GRM1: variants seen among roughly 807,000 people sequenced by gnomAD.
The protein encoded by GRM1 is metabotropic glutamate receptor 1.
A neutral mutation model predicts 90.9 loss-of-function variants in GRM1; 33 were observed. The ratio of observed to expected loss-of-function variants is 0.36; its 90% CI spans 0.28 to 0.49. The LOEUF is 0.49. Among genes scored for constraint, GRM1 ranks in the 20% least tolerant of loss-of-function variants. The pLI, the probability that GRM1 is intolerant of heterozygous loss-of-function variation, is 0.99. For synonymous variants in GRM1, 700 were observed against 613.2 expected, an observed-to-expected ratio of 1.14 and a Z score of -2.09; for missense variants, 1,190 against 1,534.3, an observed-to-expected ratio of 0.78 and a Z score of 3.75.
intron 1 of GRM1, among the ~76,000 whole-genome samples, chr6:146,096,083 G>A (rs1004940599): frequency 6.6e-6 from 1 of 152,086 alleles, no homozygotes; most frequent in Non-Finnish European, 1.5e-5. Context: ...TCAGTCTCAA[G>A]CCTAGAACTA....
At chr6:146,245,853 A>C (rs910461065) in intron 2 of GRM1, among the ~76,000 whole-genome samples, 1 of 152,204 alleles carries the variant, frequency 6.6e-6, no homozygotes, top group Non-Finnish European at 1.5e-5. Context: ...AGTGTCTTTC[A>C]AAGGATGTGA....
intron 2 of GRM1, among the ~76,000 whole-genome samples, chr6:146,301,748 A>G (rs1015794681): frequency 2.2e-4 from 33 of 152,138 alleles, no homozygotes; most frequent in Admixed American, 2.2e-3. Flanking sequence ...AAATCTTCAA[A>G]TTGCTCTAGA....
At chr6:146,091,306 C>T (rs1335694172) in intron 1 of GRM1, among the ~76,000 whole-genome samples, 3 of 152,094 alleles carry the variant, frequency 2.0e-5, no homozygotes. Flanking sequence ...TCCCTCTCCA[C>T]TATGGGAAAG....
At chr6:146,205,521 G>T (rs1024258553) in intron 2 of GRM1, among the ~76,000 whole-genome samples, 7 of 152,134 alleles carry the variant, frequency 4.6e-5, no homozygotes, top group African/African-American at 1.7e-4. Context: ...TCAGGATCCT[G>T]GTGAATTATT....
intron 2 of GRM1, among the ~76,000 whole-genome samples, chr6:146,258,560 C>A (rs942430645): frequency 1.3e-4 from 20 of 151,952 alleles, no homozygotes; most frequent in Admixed American, 1.0e-3. Flanking sequence ...TGCTCTGTTG[C>A]CCAGGCTGTA....
At position 146,029,789 on chromosome 6, in the gene GRM1, C is replaced by A. The variant is rs762000484; in HGVS notation, c.272C>A (p.Ala91Glu). The change falls in exon 1 of 8, where the codon GCG becomes GAG. Residue 91 changes from alanine to glutamate, a missense_variant. Around this residue, in one of 10 missense-constraint regions of GRM1, gnomAD observed 91 missense variants for 95.6 expected, o/e 0.95. Coordinates refer to ENST00000282753, the MANE Select transcript of GRM1 (RefSeq NM_001278064.2). ...TTCCACACGTTGGATAAGATCAACG[C>A]GGACCCGGTCCTCCTGCCCAACATC... is the stretch of plus-strand genomic sequence containing the variant. Reference protein sequence around the residue: ...AMFHTLDKINADPVLLPNITL... With the variant: ...AMFHTLDKINEDPVLLPNITL... 6.2e-7 allele frequency: 1 copy of A among 1,614,078 alleles called. No homozygotes were observed.
intron 2 of GRM1, among the ~76,000 whole-genome samples, chr6:146,260,473 T>C (rs1408420812): frequency 2.0e-5 from 3 of 152,290 alleles, no homozygotes; most frequent in African/African-American, 7.2e-5. Context: ...CATGTGCATG[T>C]GTTTTATAGT....
At chr6:146,148,872 C>T (rs1471296379) in intron 1 of GRM1, among the ~76,000 whole-genome samples, 1 of 152,034 alleles carries the variant, frequency 6.6e-6, no homozygotes, top group Non-Finnish European at 1.5e-5. Context: ...TATATACAAC[C>T]TTCCTGTTTT....
At chr6:146,042,374 A>G (rs558021281) in intron 1 of GRM1, among the ~76,000 whole-genome samples, 8 of 152,144 alleles carry the variant, frequency 5.3e-5, no homozygotes, top group African/African-American at 1.7e-4. Context: ...ATGTACTTCT[A>G]AGTAAAATAA....
At chr6:146,277,286 G>C (rs1301802949) in intron 2 of GRM1, among the ~76,000 whole-genome samples, 1 of 152,184 alleles carries the variant, frequency 6.6e-6, no homozygotes, top group Non-Finnish European at 1.5e-5. Context: ...AGAAAGGCCT[G>C]TCTGCCTTTG....
intron 7 of GRM1, among the ~76,000 whole-genome samples, chr6:146,407,970 AGTTTG>A (rs1298776426): frequency 6.6e-6 from 1 of 152,168 alleles, no homozygotes; most frequent in African/African-American, 2.4e-5. Flanking sequence ...GTTTTTAGTC[AGTTTG>A]AACTGCTATA....
At chr6:146,266,747 G>T (rs1458467389) in intron 2 of GRM1, among the ~76,000 whole-genome samples, 1 of 152,210 alleles carries the variant, frequency 6.6e-6, no homozygotes, top group Non-Finnish European at 1.5e-5. Context: ...CTAACGAAGG[G>T]CTCTGGCTAG....
intron 3 of GRM1, among the ~76,000 whole-genome samples, chr6:146,342,072 G>C (rs909570257): frequency 6.6e-6 from 1 of 152,124 alleles, no homozygotes; most frequent in Admixed American, 6.6e-5. Flanking sequence ...AACAGTCTGG[G>C]AACTCAGACA....
At chr6:146,149,345 C>A (rs1777230897) in intron 1 of GRM1, among the ~76,000 whole-genome samples, 1 of 152,152 alleles carries the variant, frequency 6.6e-6, no homozygotes, top group Non-Finnish European at 1.5e-5. Flanking sequence ...AAGAAACAAT[C>A]ATGAGCTTGG....
intron 1 of GRM1, among the ~76,000 whole-genome samples, chr6:146,051,828 T>G (rs936436606): frequency 1.3e-5 from 2 of 152,076 alleles, no homozygotes; most frequent in Non-Finnish European, 2.9e-5. Context: ...CCAAGCACCC[T>G]TATATAATCT....
At chr6:146,335,018 G>A (rs1562618059) in intron 3 of GRM1, among the ~76,000 whole-genome samples, 1 of 152,090 alleles carries the variant, frequency 6.6e-6, no homozygotes, top group African/African-American at 2.4e-5. Flanking sequence ...TATCCATTAT[G>A]GGGGTTTTGC....
chr6:146,137,214 G>T (rs1042116720), intron 1 of GRM1, among the ~76,000 whole-genome samples: 1 of 152,128 alleles, frequency 6.6e-6, no homozygotes, highest in Non-Finnish European at 1.5e-5. Context: ...GCCTATTCTT[G>T]TGGAGTATAC....
rs181034823 is a variant in GRM1, at chr6:146,410,684, T to G, written c.2660+10985T>G. Reference sequence around the variant, plus strand: ...CCATTAGCTAGACCAAGAAGGAGATTAAGAAAGAGGGGGTTAAGGTGGAGG... The same window carrying G: ...CCATTAGCTAGACCAAGAAGGAGATGAAGAAAGAGGGGGTTAAGGTGGAGG... On this transcript the variant is annotated intron_variant, in intron 7 of 7. Transcript: ENST00000282753. Among the ~76,000 whole-genome samples the G allele has an allele frequency of 1.4e-4, 21 of 151,948 alleles. No individual in the cohort carries two copies. In the East Asian group the frequency reaches 3.9e-3, roughly 28 times the overall value.
intron 5 of GRM1, among the ~76,000 whole-genome samples, chr6:146,385,040 T>C (rs1214964125): frequency 1.3e-5 from 2 of 152,048 alleles, no homozygotes; most frequent in Non-Finnish European, 1.5e-5. Context: ...TAAGTGCAAC[T>C]GAAGCTTCAA....
Sources: allele counts gnomAD v4.1 joint callset (sites outside exome capture counted in the v4.1 genomes callset), GRCh38; gene constraint gnomAD v4.1.1; regional missense constraint gnomAD v4.1.1; transcripts MANE v1.5; gene names NCBI Gene and HGNC (gene_info 2026-07-23, HGNC 2026-07-21).